TTC28: variants seen among roughly 807,000 people sequenced by gnomAD.
TTC28 encodes the protein tetratricopeptide repeat domain 28.
Under a neutral mutation model 198.0 loss-of-function variants are expected in TTC28, and 61 were observed. The observed-to-expected ratio is 0.31, with a 90% CI of 0.25 to 0.38. The LOEUF is 0.38. Among genes scored for constraint, TTC28 ranks in the 10% least tolerant of loss-of-function variants. The pLI is 1.00. For missense variants in TTC28, 2,678 were observed against 3,164.0 expected, an observed-to-expected ratio of 0.85 and a Z score of 3.69; for synonymous variants, 1,171 against 1,297.8, an observed-to-expected ratio of 0.90 and a Z score of 2.10.
Position 28,096,295 on chromosome 22 carries a change from T to C in TTC28, c.3661A>G (p.Thr1221Ala), listed in dbSNP as rs1319712662. Residue 1221 changes from threonine to alanine, a missense_variant, in exon 11 of 23, where the codon ACT (threonine) becomes GCT (alanine). This residue lies in a region of TTC28 where 727 missense variants were observed against 861.9 expected (regional missense o/e 0.84). Coordinates refer to ENST00000397906, the MANE Select transcript of TTC28 (RefSeq NM_001145418.2). ...ACCATCTCTAAGATCTGATCAATAG[T>C]GACTGGGGAGTAGGGGTCGGAGTCT... is the stretch of plus-strand genomic sequence containing the variant. ...QQDSDPYSPV[T>A]IDQILEMVNG... 1 of 1,551,922 alleles carries C rather than the reference T, an allele frequency of 6.4e-7. No homozygotes were observed. The highest frequency in any genetic ancestry group is 2.0e-5 in the Admixed American group (1 of 51,010).
intron 5 of TTC28, among the ~76,000 whole-genome samples, chr22:28,238,732 C>T (rs1294543791): frequency 6.6e-6 from 1 of 152,094 alleles, no homozygotes; most frequent in Non-Finnish European, 1.5e-5. Flanking sequence ...TTGTTCAACT[C>T]CCAGGTAGTT....
At chr22:28,559,749 C>G (rs921523173) in intron 2 of TTC28, among the ~76,000 whole-genome samples, 6 of 152,188 alleles carry the variant, frequency 3.9e-5, no homozygotes, top group Admixed American at 6.5e-5. Context: ...TTCGCTGCTC[C>G]TCCTCAGGCT....
intron 2 of TTC28, among the ~76,000 whole-genome samples, chr22:28,324,033 G>A (rs2045487241): frequency 6.6e-6 from 1 of 152,166 alleles, no homozygotes; most frequent in Admixed American, 6.5e-5. Flanking sequence ...CTTCAAACAT[G>A]AAAGAGATAT....
chr22:28,483,171 T>C (rs977379778), intron 2 of TTC28, among the ~76,000 whole-genome samples: 1 of 152,174 alleles, frequency 6.6e-6, no homozygotes. Context: ...GCACCAGACA[T>C]GTATTAGATA....
chr22:28,286,175 A>G (rs1319482203), intron 5 of TTC28, among the ~76,000 whole-genome samples: 1 of 152,102 alleles, frequency 6.6e-6, no homozygotes, highest in Non-Finnish European at 1.5e-5. Context: ...ACAATACCAC[A>G]TTCCCATTTA....
intron 22 of TTC28, 120 bp from the exon 23 acceptor site, chr22:27,983,971 A>C: frequency 1.9e-6 from 2 of 1,049,188 alleles, no homozygotes; most frequent in Non-Finnish European, 2.7e-6. Flanking sequence ...TGCAAGAGCT[A>C]CTCATATTAA....
intron 2 of TTC28, among the ~76,000 whole-genome samples, chr22:28,573,924 C>T (rs1389112045): frequency 2.0e-5 from 3 of 151,864 alleles, no homozygotes; most frequent in African/African-American, 4.8e-5. Context: ...ATGTTTTTAG[C>T]TCCCATAAAT....
chr22:28,154,374 CAG>C (rs1943699592), intron 6 of TTC28, among the ~76,000 whole-genome samples: 1 of 132,136 alleles, frequency 7.6e-6, no homozygotes, highest in South Asian at 2.4e-4. Flanking sequence ...TTTTTTGAGA[CAG>C]AGTCTCACTC....
chr22:28,244,303 A>AC (rs1214647115), intron 5 of TTC28, among the ~76,000 whole-genome samples: 3 of 152,214 alleles, frequency 2.0e-5, no homozygotes, highest in African/African-American at 7.2e-5. Context: ...GCTTTAACAC[A>AC]CAGAATGCTT....
At chr22:28,278,257 G>A (rs1177797655) in intron 5 of TTC28, among the ~76,000 whole-genome samples, 1 of 152,026 alleles carries the variant, frequency 6.6e-6, no homozygotes, top group African/African-American at 2.4e-5. Context: ...GGGTTTTTAT[G>A]GGAATAACAT....
chr22:28,613,282 A>G (rs190493816), intron 2 of TTC28, among the ~76,000 whole-genome samples: 42 of 152,302 alleles, frequency 2.8e-4, no homozygotes, highest in Non-Finnish European at 5.1e-4. Flanking sequence ...ACCAATAACA[A>G]GTTCTGAAAT....
intron 2 of TTC28, among the ~76,000 whole-genome samples, chr22:28,547,788 A>AG (rs2049576503): frequency 6.6e-6 from 1 of 151,928 alleles, no homozygotes; most frequent in Non-Finnish European, 1.5e-5. Context: ...ATAACTCTAC[A>AG]GACATGTATC....
At chr22:28,537,604 T>C (rs1454567159) in intron 2 of TTC28, among the ~76,000 whole-genome samples, 4 of 152,020 alleles carry the variant, frequency 2.6e-5, no homozygotes, top group Admixed American at 6.6e-5. Context: ...GCGTAAAAGA[T>C]TGATAGATCA....
At chr22:28,164,186 C>T (rs1601411077) in intron 5 of TTC28, among the ~76,000 whole-genome samples, 2 of 152,192 alleles carry the variant, frequency 1.3e-5, no homozygotes, top group African/African-American at 4.8e-5. Context: ...TTCAAAGAGG[C>T]CTGCCTGCTT....
chr22:28,339,612 C>T (rs1225648886), intron 2 of TTC28, among the ~76,000 whole-genome samples: 7 of 152,168 alleles, frequency 4.6e-5, no homozygotes, highest in East Asian at 1.9e-4. Flanking sequence ...CCCCTAGCCT[C>T]GCTGCCGCCT....
At chr22:28,579,701 C>T (rs1307226276) in intron 2 of TTC28, among the ~76,000 whole-genome samples, 1 of 151,886 alleles carries the variant, frequency 6.6e-6, no homozygotes, top group East Asian at 1.9e-4. Flanking sequence ...AGCACAGTGG[C>T]TCACGCCTAT....
chr22:28,457,712 T>C (rs2047884036), intron 2 of TTC28, among the ~76,000 whole-genome samples: 2 of 152,184 alleles, frequency 1.3e-5, no homozygotes, highest in African/African-American at 4.8e-5. Context: ...TTATCCTTTA[T>C]TGTGTGGTAG....
rs1411526941 is a variant in TTC28 at position 27,981,666 on chromosome 22, C to T, written c.*555G>A. ...TTACACTATCATGAGACCAAAATTGCTACAATTTAATTACAAATCATTGGC... is the reference window on the plus strand; with the variant it reads ...TTACACTATCATGAGACCAAAATTGTTACAATTTAATTACAAATCATTGGC... On this transcript the variant is annotated 3_prime_UTR_variant, in exon 23 of 23. Transcript: ENST00000397906. The T allele has an allele frequency of 1.3e-5, 2 of 152,080 alleles. No individual in the cohort carries two copies. Among genetic ancestry groups the T allele is most frequent in the African/African-American group, 4.8e-5 (2 of 41,364 alleles). The allele number at this position is 152,080 out of a possible 1,614,324, so 9.4% of individuals were successfully genotyped here.
intron 5 of TTC28, among the ~76,000 whole-genome samples, chr22:28,197,205 G>T (rs1219929956): frequency 2.0e-5 from 3 of 148,654 alleles, no homozygotes; most frequent in Admixed American, 6.9e-5. Flanking sequence ...CTCACTCATA[G>T]GTGGGAATTG....
Sources: allele counts gnomAD v4.1 joint callset (sites outside exome capture counted in the v4.1 genomes callset), GRCh38; gene constraint gnomAD v4.1.1; regional missense constraint gnomAD v4.1.1; transcripts MANE v1.5; gene names NCBI Gene and HGNC (gene_info 2026-07-23, HGNC 2026-07-21).